Variants in EYA1 observed in about 807,000 individuals in gnomAD.
The protein encoded by EYA1 is protein phosphatase EYA1.
A neutral mutation model predicts 82.0 loss-of-function variants in EYA1; 16 were observed. The ratio of observed to expected loss-of-function variants is 0.20; its 90% CI spans 0.13 to 0.30. The LOEUF (loss-of-function observed/expected upper bound fraction) is 0.30. Among genes scored for constraint, EYA1 ranks in the 10% least tolerant of loss-of-function variants. EYA1 has a pLI of 1.00. For synonymous variants in EYA1, 261 were observed against 264.4 expected (o/e 0.99, Z 0.12); for missense variants, 633 against 730.7 (o/e 0.87, Z 1.54).
chr8:71,209,310 A>T (rs1235829211), intron 17 of EYA1, among the ~76,000 whole-genome samples: 1 of 152,240 alleles, frequency 6.6e-6, no homozygotes, highest in Non-Finnish European at 1.5e-5. Flanking sequence ...AAGACAGCCC[A>T]GAGAGGTAAC....
At chr8:71,342,743 C>T (rs903320953) in intron 3 of EYA1, among the ~76,000 whole-genome samples, 2 of 152,232 alleles carry the variant, frequency 1.3e-5, no homozygotes, top group African/African-American at 2.4e-5. Context: ...TTTGAATTTG[C>T]GGACCTTTGG....
chr8:71,400,916 G>C (rs1303208900), intron 2 of EYA1, among the ~76,000 whole-genome samples: 1 of 152,098 alleles, frequency 6.6e-6, no homozygotes, highest in Admixed American at 6.6e-5. Context: ...AATGGATAAA[G>C]GAAATGTGGT....
At chr8:71,410,037 G>C (rs902753249) in intron 2 of EYA1, among the ~76,000 whole-genome samples, 1 of 151,976 alleles carries the variant, frequency 6.6e-6, no homozygotes, top group South Asian at 2.1e-4. Flanking sequence ...TGATCAAGTG[G>C]GCTTCATCCC....
At chr8:71,529,948 A>C (rs1241961554) in intron 2 of EYA1, 1 of 152,178 alleles carries the variant, frequency 6.6e-6, no homozygotes, top group Non-Finnish European at 1.5e-5. Flanking sequence ...CTGAGACAGG[A>C]GGGGGATAGG....
chr8:71,372,000 C>G (rs1246139070), intron 2 of EYA1, among the ~76,000 whole-genome samples: 1 of 152,008 alleles, frequency 6.6e-6, no homozygotes, highest in Non-Finnish European at 1.5e-5. Flanking sequence ...ACCCAGATAA[C>G]TAGAGTTTCA....
chr8:71,307,208 A>G (rs931937579), intron 7 of EYA1, among the ~76,000 whole-genome samples: 1 of 152,238 alleles, frequency 6.6e-6, no homozygotes, highest in Non-Finnish European at 1.5e-5. Flanking sequence ...TAAAAAAGTG[A>G]GTAGGGAAAG....
At chr8:71,420,567 G>A (rs1831092957) in intron 2 of EYA1, among the ~76,000 whole-genome samples, 1 of 152,126 alleles carries the variant, frequency 6.6e-6, no homozygotes, top group Non-Finnish European at 1.5e-5. Flanking sequence ...ATAAGCTGCT[G>A]TAGAGTCAGG....
intron 9 of EYA1, among the ~76,000 whole-genome samples, chr8:71,273,674 A>G (rs918517532): frequency 1.3e-5 from 2 of 152,174 alleles, no homozygotes; most frequent in African/African-American, 4.8e-5. Context: ...ACACACATCA[A>G]TCTCTAATAT....
intron 2 of EYA1, among the ~76,000 whole-genome samples, chr8:71,355,114 C>G (rs1826731274): frequency 6.6e-6 from 1 of 152,294 alleles, no homozygotes; most frequent in East Asian, 1.9e-4. Context: ...CTTGCTTTAC[C>G]TATACAGCCA....
At chr8:71,386,092 T>C (rs1489643334) in intron 2 of EYA1, among the ~76,000 whole-genome samples, 1 of 152,212 alleles carries the variant, frequency 6.6e-6, no homozygotes, top group Non-Finnish European at 1.5e-5. Flanking sequence ...TTTCTGTTTT[T>C]CAGTAATGAT....
intron 9 of EYA1, among the ~76,000 whole-genome samples, chr8:71,279,365 A>G (rs893936196): frequency 2.0e-5 from 3 of 152,224 alleles, no homozygotes; most frequent in African/African-American, 7.2e-5. Context: ...CAAAACCAAC[A>G]TAAGTATATG....
At chr8:71,282,111 G>T (rs974394734) in intron 9 of EYA1, among the ~76,000 whole-genome samples, 1 of 152,142 alleles carries the variant, frequency 6.6e-6, no homozygotes, top group Admixed American at 6.5e-5. Context: ...CTCCCCACCC[G>T]TAAGTACTCT....
upstream of EYA1, chr8:71,362,301 T>A: frequency 3.0e-6 from 2 of 673,428 alleles, no homozygotes; most frequent in Non-Finnish European, 3.7e-6. Flanking sequence ...AAAAAAATTA[T>A]GTAAATGAAC....
rs150723209 is a variant in EYA1 at position 71,544,480 on chromosome 8, G to A, written c.-73+3384C>T. Among the ~76,000 whole-genome samples, 33 of 152,272 alleles carry A rather than the reference G, an allele frequency of 2.2e-4. No homozygotes were observed. In the East Asian group the frequency reaches 6.4e-3, roughly 29 times the overall value. ...ACGTAGTCCAGCACCGGAAAGTTTA[G>A]TCTTTAGGAGGCTTTTCCTTATACT... On this transcript the variant is annotated intron_variant, in intron 1 of 18. Coordinates refer to the EYA1 transcript ENST00000643681.
intron 9 of EYA1, among the ~76,000 whole-genome samples, chr8:71,276,229 T>C (rs956434151): frequency 1.3e-5 from 2 of 152,324 alleles, no homozygotes; most frequent in Non-Finnish European, 2.9e-5. Flanking sequence ...TAATAAACAG[T>C]TAGTGGACAG....
chr8:71,336,738 C>T (rs1824532671), intron 3 of EYA1, among the ~76,000 whole-genome samples: 1 of 152,166 alleles, frequency 6.6e-6, no homozygotes, highest in Non-Finnish European at 1.5e-5. Flanking sequence ...CATCTATACA[C>T]TAAGGAATAA....
At chr8:71,452,431 C>T (rs1282887685) in intron 2 of EYA1, among the ~76,000 whole-genome samples, 1 of 152,176 alleles carries the variant, frequency 6.6e-6, no homozygotes, top group Non-Finnish European at 1.5e-5. Context: ...GTGGTTCTCC[C>T]AGCACGGAGT....
intron 2 of EYA1, among the ~76,000 whole-genome samples, chr8:71,454,421 T>C (rs11987113): frequency 0.12 from 17,536 of 152,136 alleles, 1,850 homozygotes; most frequent in East Asian, 0.47. Flanking sequence ...CCAAGCGGAC[T>C]TAATAGACAT....
chr8:71,314,252 G>T (rs953339210), intron 7 of EYA1, among the ~76,000 whole-genome samples: 1 of 152,064 alleles, frequency 6.6e-6, no homozygotes, highest in Non-Finnish European at 1.5e-5. Context: ...ACAGACTCCC[G>T]CAACTAGGTG....
Sources: allele counts gnomAD v4.1 joint callset (sites outside exome capture counted in the v4.1 genomes callset), GRCh38; gene constraint gnomAD v4.1.1; transcripts MANE v1.5; gene names NCBI Gene and HGNC (gene_info 2026-07-23, HGNC 2026-07-21).